Variants in TCERG1 observed in about 807,000 individuals in gnomAD.
The protein encoded by TCERG1 is TATA box binding protein (TBP)-associated factor, RNA polymerase II, S, 150kD.
In TCERG1, 37 loss-of-function variants were observed where a neutral mutation model predicts 144.7. The observed-to-expected ratio is 0.26, with a 90% CI of 0.20 to 0.34. The LOEUF (loss-of-function observed/expected upper bound fraction) is 0.34. TCERG1 is among the 10% of genes least tolerant of loss of function. The pLI is 1.00. For synonymous variants in TCERG1, 492 were observed against 458.2 expected, an observed-to-expected ratio of 1.07 and a Z score of -0.94; for missense variants, 1,027 against 1,380.7, an observed-to-expected ratio of 0.74 and a Z score of 4.06.
At chr5:146,468,732 AC>A (rs574775712) in intron 6 of TCERG1, among the ~76,000 whole-genome samples, 217 of 152,320 alleles carry the variant, frequency 1.4e-3, no homozygotes, top group Non-Finnish European at 1.2e-3. Flanking sequence ...ATATAAAAAA[AC>A]ATTTCCATGT....
chr5:146,511,601 T>C lies in TCERG1; in HGVS notation c.*959T>C, dbSNP rs1019854589. On this transcript the variant is annotated 3_prime_UTR_variant, in exon 23 of 23. Transcript: ENST00000679501. ...CAAATAGAATTTCCCACAAAGTAAG[T>C]TGACTCTAAATCTTAAGTATTACCT... 2 of 152,636 alleles carry C rather than the reference T, an allele frequency of 1.3e-5. No homozygotes were observed. The highest frequency in any genetic ancestry group is 2.9e-5 in the Non-Finnish European group (2 of 68,048). The allele number at this position is 152,636 out of a possible 1,614,324, so 9.5% of individuals were successfully genotyped here. A position where few individuals can be genotyped will look rare whatever the true frequency, so the allele number is the denominator to read the frequency against.
chr5:146,463,491 T>G, intron 4 of TCERG1, 60 bp from the exon 5 acceptor site: 4 of 1,601,922 alleles, frequency 2.5e-6, no homozygotes, highest in Non-Finnish European at 3.4e-6. Context: ...AAATGATGAA[T>G]GAATATAGTA....
Position 146,507,130 on chromosome 5 carries a change from C to T in TCERG1, c.2884C>T (p.Leu962Phe), listed in dbSNP as rs1334771460. 6.2e-7 allele frequency: 1 copy of T among 1,613,398 alleles called. No homozygotes were observed. Among genetic ancestry groups the T allele is most frequent in the East Asian group, 2.2e-5 (1 of 44,830 alleles). The change falls in exon 20 of 23, where the codon CTT becomes TTT. Residue 962 changes from leucine (L) to phenylalanine (F), a missense_variant. Around this residue, in one of 6 missense-constraint regions of TCERG1, gnomAD observed 133 missense variants for 283.2 expected, o/e 0.47. Coordinates refer to ENST00000679501, the MANE Select transcript of TCERG1 (RefSeq NM_001382548.1). This position sits in a 1 kb window ranked among gnomAD's most constrained non-coding sequence, Gnocchi z 4.6. ...ATTGGAAAGAGAGGAGAAAGAGAAG[C>T]TTTTTAATGAACACATTGAAGCACT... The part of the protein sequence containing the change: ...SLLEREEKEK[L>F]FNEHIEALTK...
chr5:146,484,493 A>G (rs1011120119), intron 15 of TCERG1, among the ~76,000 whole-genome samples: 14 of 152,206 alleles, frequency 9.2e-5, no homozygotes, highest in Non-Finnish European at 1.6e-4. Context: ...AACAATTGAA[A>G]TAATTCTTCA....
chr5:146,510,803 A>G lies in TCERG1; in HGVS notation c.*161A>G. 3.4e-6 allele frequency: 2 copies of G among 583,956 alleles called. No individual in the cohort carries two copies. The highest frequency in any genetic ancestry group is 5.5e-6 in the Non-Finnish European group (2 of 361,352). The allele number at this position is 583,956 out of a possible 1,614,324, so 36.2% of individuals were successfully genotyped here. On this transcript the variant is annotated 3_prime_UTR_variant, in exon 23 of 23. Coordinates refer to ENST00000679501, the MANE Select transcript of TCERG1 (RefSeq NM_001382548.1). Reference sequence around the variant, plus strand: ...TTTCTGAACAGAACACTTTGGAAATATTTATGCTTTTCTTTGTGTGGCATG... The same window carrying G: ...TTTCTGAACAGAACACTTTGGAAATGTTTATGCTTTTCTTTGTGTGGCATG...
intron 5 of TCERG1, among the ~76,000 whole-genome samples, chr5:146,464,986 G>T (rs1763649912): frequency 6.6e-6 from 1 of 152,004 alleles, no homozygotes; most frequent in African/African-American, 2.4e-5. Flanking sequence ...CATTGTTGAT[G>T]TAGTGTTAGA....
intron 1 of TCERG1, among the ~76,000 whole-genome samples, chr5:146,448,081 C>T (rs577909525): frequency 2.0e-5 from 3 of 152,166 alleles, no homozygotes; most frequent in African/African-American, 4.8e-5. Flanking sequence ...TCACAACCAC[C>T]CTTTGGAGTA....
At chr5:146,488,609 TTATA>T (rs918020731) in intron 15 of TCERG1, among the ~76,000 whole-genome samples, 3 of 152,178 alleles carry the variant, frequency 2.0e-5, no homozygotes, top group African/African-American at 7.2e-5. Context: ...AGGGAACTCT[TTATA>T]TACTGTTGGT....
chr5:146,490,445 G>A (rs1581525049), intron 15 of TCERG1, among the ~76,000 whole-genome samples: 1 of 152,144 alleles, frequency 6.6e-6, no homozygotes, highest in East Asian at 1.9e-4. Flanking sequence ...TAACATACTT[G>A]GAAAAACCCT....
intron 19 of TCERG1, chr5:146,504,399 G>A (rs774573527): frequency 3.0e-4 from 47 of 154,970 alleles, no homozygotes; most frequent in Admixed American, 1.3e-4. Context: ...ACTTGCAGAT[G>A]GTATGAGATT....
Position 146,507,130 on chromosome 5 carries a change from C to A in TCERG1, c.2884C>A (p.Leu962Ile). ...SLLEREEKEKLFNEHIEALTK... is the reference protein window; with the variant it reads ...SLLEREEKEKIFNEHIEALTK... ...ATTGGAAAGAGAGGAGAAAGAGAAG[C>A]TTTTTAATGAACACATTGAAGCACT... Residue 962 changes from leucine to isoleucine, a missense_variant, in exon 20 of 23, where the codon CTT becomes ATT. This residue lies in a region of TCERG1 where 133 missense variants were observed against 283.2 expected (regional missense o/e 0.47). Coordinates refer to ENST00000679501, the MANE Select transcript of TCERG1 (RefSeq NM_001382548.1). The surrounding 1 kb of genome is among the most constrained non-coding windows in gnomAD (Gnocchi z 4.6). 6.2e-7 allele frequency: 1 copy of A among 1,613,398 alleles called. No homozygotes were observed. Among genetic ancestry groups the A allele is most frequent in the South Asian group, 1.1e-5 (1 of 90,948 alleles).
At position 146,459,066 on chromosome 5, in the gene TCERG1, TCAGGCTCAGGCC is replaced by T. The variant is rs754802778; in HGVS notation, c.627_638del (p.Ala239_Gln242del). On this transcript the variant is annotated inframe_deletion, in exon 4 of 23. Coordinates refer to ENST00000679501, the MANE Select transcript of TCERG1 (RefSeq NM_001382548.1). ...CCCAGGCACAAGCTCAGGCCCAGGCTCAGGCTCAGGCCCAGGCCCAGGCCCAGGCCCAGGCCC... is the reference window on the plus strand; with the variant it reads ...CCCAGGCACAAGCTCAGGCCCAGGCTCAGGCCCAGGCCCAGGCCCAGGCCC... 5.9e-5 allele frequency: 93 copies of T among 1,568,156 alleles called. No homozygotes were observed. Among genetic ancestry groups the T allele is most frequent in the African/African-American group, 3.0e-4 (21 of 69,114 alleles).
In TCERG1 at chr5:146,507,334, A is replaced by G; in HGVS notation, c.2961+127A>G. The G allele has an allele frequency of 1.5e-5, 13 of 868,906 alleles. No individual in the cohort carries two copies. The highest frequency in any genetic ancestry group is 3.7e-4 in the Middle Eastern group (1 of 2,694). 53.8% of individuals were successfully genotyped at this position (868,906 alleles called of 1,614,324 possible). ...TCATTACTGGAATGCATCTTATGACAATTCTCTGATTTTAAAAAATTATGG... is the reference window on the plus strand; with the variant it reads ...TCATTACTGGAATGCATCTTATGACGATTCTCTGATTTTAAAAAATTATGG... On this transcript the variant is annotated intron_variant, in intron 20 of 22. Coordinates refer to ENST00000679501, the MANE Select transcript of TCERG1 (RefSeq NM_001382548.1). The surrounding 1 kb of genome is among the most constrained non-coding windows in gnomAD (Gnocchi z 4.6).
In TCERG1 at chr5:146,509,230, A is replaced by G. The variant is rs1443260527; in HGVS notation, c.3131A>G (p.Lys1044Arg). 1 of 1,606,822 alleles carries G rather than the reference A, an allele frequency of 6.2e-7. No homozygotes were observed. Among genetic ancestry groups the G allele is most frequent in the Non-Finnish European group, 8.5e-7 (1 of 1,175,426 alleles). Residue 1044 changes from lysine to arginine, a missense_variant, in exon 22 of 23, where the codon AAA becomes AGA. By Grantham distance (26) the Lys-to-Arg change is conservative (BLOSUM62 2). Around this residue, in one of 6 missense-constraint regions of TCERG1, gnomAD observed 133 missense variants for 283.2 expected, o/e 0.47. Coordinates refer to ENST00000679501, the MANE Select transcript of TCERG1 (RefSeq NM_001382548.1). ...TTCAGGACGCTTTTGAAAGAGACCA[A>G]ATTTATAACATATAGGTGTGTGCAA... Reference protein sequence around the residue: ...ADFRTLLKETKFITYRSKKLI... With the variant: ...ADFRTLLKETRFITYRSKKLI...
intron 1 of TCERG1, among the ~76,000 whole-genome samples, chr5:146,447,726 C>G (rs747298975): frequency 1.3e-5 from 2 of 152,244 alleles, no homozygotes; most frequent in Non-Finnish European, 2.9e-5. Flanking sequence ...CGCGTGTCGC[C>G]TCCGTCTCGG....
At chr5:146,469,501 C>T (rs776489586) in intron 6 of TCERG1, 43 bp from the exon 7 acceptor site, 17 of 1,465,980 alleles carry the variant, frequency 1.2e-5, no homozygotes, top group East Asian at 2.4e-5. Context: ...TTTTGTATTG[C>T]GGTTTGATAC....
In TCERG1 at chr5:146,507,229, C is replaced by T. The variant is rs367918070; in HGVS notation, c.2961+22C>T. The T allele has an allele frequency of 6.5e-7, 1 of 1,547,706 alleles. No individual in the cohort carries two copies. The highest frequency in any genetic ancestry group is 8.7e-7 in the Non-Finnish European group (1 of 1,151,380). On this transcript the variant is annotated intron_variant, in intron 20 of 22. Transcript: ENST00000679501. The surrounding 1 kb of genome is among the most constrained non-coding windows in gnomAD (Gnocchi z 4.6). Reference sequence around the variant, plus strand: ...TGCAGTAAGAATCTCTTATTTTTCTCATTTTAATCTGGATGAATCTTGTTA... The same window carrying T: ...TGCAGTAAGAATCTCTTATTTTTCTTATTTTAATCTGGATGAATCTTGTTA...
chr5:146,468,235 G>T, intron 5 of TCERG1, 106 bp from the exon 6 acceptor site: 1 of 913,982 alleles, frequency 1.1e-6, no homozygotes, highest in Non-Finnish European at 1.6e-6. Context: ...CTTTTTCATT[G>T]GAAATAGCAT....
intron 1 of TCERG1, among the ~76,000 whole-genome samples, chr5:146,450,373 A>C (rs979700007): frequency 3.3e-5 from 5 of 152,208 alleles, no homozygotes; most frequent in African/African-American, 9.7e-5. Context: ...CAAAGTAATA[A>C]ACTTGAAATA....
Sources: gnomAD v4.1 joint callset for allele counts (sites outside exome capture counted in the v4.1 genomes callset) on GRCh38, gnomAD v4.1.1 for gene constraint, gnomAD v4.1.1 regional missense constraint, Gnocchi (gnomAD v3.1) non-coding constraint, MANE v1.5 for transcripts, NCBI Gene and HGNC (gene_info 2026-07-23, HGNC 2026-07-21) for gene names.